MALRD1: variants seen among roughly 807,000 people sequenced by gnomAD.
MALRD1 encodes the protein MAM and LDL receptor class A domain containing 1.
MALRD1 carries 247 observed loss-of-function variants against 242.1 expected under a neutral mutation model. The observed-to-expected ratio is 1.02, with a 90% CI of 0.92 to 1.13. MALRD1 has a LOEUF of 1.13. Ranked by LOEUF, MALRD1 falls within the 50% of genes most tolerant of loss-of-function variation. The probability of loss-of-function intolerance (pLI) is 0.00; values close to 1 mark genes in which losing one functional copy is unlikely to be tolerated. For synonymous variants in MALRD1, 995 were observed against 866.6 expected (o/e 1.15, Z -2.60); for missense variants, 2,989 against 2,533.1 (o/e 1.18, Z -3.86).
At chr10:19,556,621 T>C (rs1004518357) in intron 32 of MALRD1, among the ~76,000 whole-genome samples, 2 of 152,166 alleles carry the variant, frequency 1.3e-5, no homozygotes, top group Admixed American at 1.3e-4. Context: ...CAGAATAAGA[T>C]TCCATACTAT....
intron 33 of MALRD1, among the ~76,000 whole-genome samples, chr10:19,568,443 G>A (rs1219633708): frequency 2.0e-5 from 3 of 151,866 alleles, no homozygotes; most frequent in African/African-American, 7.3e-5. Context: ...TCTTCTCATA[G>A]TTTTTCTCTG....
chr10:19,353,209 A>G (rs1844474708), intron 26 of MALRD1, among the ~76,000 whole-genome samples: 1 of 151,854 alleles, frequency 6.6e-6, no homozygotes, highest in African/African-American at 2.4e-5. Context: ...GTCTCACTGT[A>G]TTGCCTAGGT....
At chr10:19,691,798 C>G (rs1298279992) in intron 36 of MALRD1, among the ~76,000 whole-genome samples, 1 of 152,094 alleles carries the variant, frequency 6.6e-6, no homozygotes, top group Non-Finnish European at 1.5e-5. Flanking sequence ...GTTTCCAAAT[C>G]TAAACACTTG....
At chr10:19,709,568 C>T (rs1159103909) in intron 38 of MALRD1, among the ~76,000 whole-genome samples, 2 of 152,090 alleles carry the variant, frequency 1.3e-5, no homozygotes, top group African/African-American at 4.8e-5. Context: ...GATCCTTTCC[C>T]AGGTCTGAAA....
At chr10:19,633,743 C>G (rs1840008570) in intron 36 of MALRD1, 1 of 152,016 alleles carries the variant, frequency 6.6e-6, no homozygotes, top group East Asian at 1.9e-4. Flanking sequence ...AGGCCCAACC[C>G]TGGCTTAGCT....
intron 12 of MALRD1, among the ~76,000 whole-genome samples, chr10:19,162,044 GCAACAA>G (rs34483130): frequency 1.7e-5 from 2 of 119,610 alleles, no homozygotes; most frequent in African/African-American, 6.8e-5. Flanking sequence ...AACAACAACA[GCAACAA>G]CAACAACAAC....
intron 26 of MALRD1, among the ~76,000 whole-genome samples, chr10:19,386,830 G>A (rs906507903): frequency 3.3e-5 from 5 of 151,806 alleles, no homozygotes; most frequent in East Asian, 3.9e-4. Context: ...TCAAATGTTG[G>A]TATGATCCAA....
chr10:19,458,044 A>G (rs1055183286), intron 29 of MALRD1, among the ~76,000 whole-genome samples: 1 of 152,040 alleles, frequency 6.6e-6, no homozygotes, highest in African/African-American at 2.4e-5. Context: ...ATATATGACT[A>G]TTTTTATACT....
intron 31 of MALRD1, among the ~76,000 whole-genome samples, chr10:19,524,175 C>T (rs1317103427): frequency 6.6e-6 from 1 of 152,076 alleles, no homozygotes; most frequent in African/African-American, 2.4e-5. Context: ...ATTTCACAGC[C>T]TTTAAAAATT....
intron 32 of MALRD1, among the ~76,000 whole-genome samples, chr10:19,543,346 C>A (rs1835063172): frequency 6.6e-6 from 1 of 151,160 alleles, no homozygotes. Flanking sequence ...TCACTGCAGC[C>A]TTGGCTTCCC....
At chr10:19,263,490 T>G (rs996876398) in intron 19 of MALRD1, among the ~76,000 whole-genome samples, 8 of 151,474 alleles carry the variant, frequency 5.3e-5, no homozygotes, top group Admixed American at 2.0e-4. Flanking sequence ...GGATTATTTG[T>G]TGTTTTTTTT....
chr10:19,304,337 A>ATC lies in MALRD1; in HGVS notation c.3420-19596_3420-19595dup, dbSNP rs1158520774. Reference sequence around the variant, plus strand: ...CACAATGTCTGTCTGTCTATCCCTCATCTCTCTCTCTCTCTCTGCCTCTCT... The same window carrying ATC: ...CACAATGTCTGTCTGTCTATCCCTCATCTCTCTCTCTCTCTCTCTGCCTCTCT... On this transcript the variant is annotated intron_variant, in intron 21 of 39. Transcript: ENST00000454679. 1.0e-3 allele frequency among the ~76,000 whole-genome samples: 154 copies of ATC among 149,534 alleles called. 2 individuals are homozygous for ATC. Among genetic ancestry groups the ATC allele is most frequent in the African/African-American group, 2.6e-3 (106 of 40,946 alleles).
At chr10:19,446,138 G>A (rs1208367027) in intron 28 of MALRD1, among the ~76,000 whole-genome samples, 1 of 152,128 alleles carries the variant, frequency 6.6e-6, no homozygotes, top group Non-Finnish European at 1.5e-5. Flanking sequence ...CATTGGAAAA[G>A]TGCAGTATTA....
chr10:19,595,232 C>T lies in MALRD1; in HGVS notation c.5719C>T (p.Gln1907Ter). ...GCAGCCATCACCCTGTGAAGCTGAT[C>T]AGTTTTCTTGTATCTACACACTCCA... ...PVQPSPCEAD[Q>*]FSCIYTLQCV... The change falls in exon 34 of 40, where the codon CAG becomes TAG. Residue 1907 changes from glutamine to a stop codon, truncating the protein, a stop_gained. Transcript: ENST00000454679. LOFTEE classifies it high-confidence loss of function. The T allele has an allele frequency of 6.5e-7, 1 of 1,550,270 alleles. No homozygotes were observed. The highest frequency in any genetic ancestry group is 8.7e-7 in the Non-Finnish European group (1 of 1,146,830).
At position 19,174,262 on chromosome 10, in the gene MALRD1, C is replaced by T. The variant is rs538194093; in HGVS notation, c.1831-946C>T. Among the ~76,000 whole-genome samples, 90 of 152,044 alleles carry T rather than the reference C, an allele frequency of 5.9e-4. 2 individuals carry two copies. Among genetic ancestry groups the T allele is most frequent in the African/African-American group, 2.0e-3 (81 of 41,480 alleles). ...TGACCTATTTTGAGGAGAAGTAAGC[C>T]GGATAATTCCTTTATGGCTGGCTCT... On this transcript the variant is annotated intron_variant, in intron 13 of 39. Transcript: ENST00000454679.
intron 36 of MALRD1, among the ~76,000 whole-genome samples, chr10:19,672,715 G>A (rs1841980404): frequency 6.6e-6 from 1 of 151,776 alleles, no homozygotes; most frequent in Non-Finnish European, 1.5e-5. Context: ...TGAGCCACTG[G>A]AGCCGACCAA....
At chr10:19,214,582 A>G (rs1837221961) in intron 18 of MALRD1, among the ~76,000 whole-genome samples, 1 of 152,102 alleles carries the variant, frequency 6.6e-6, no homozygotes. Context: ...ATTTGTATGG[A>G]GAAACTTCAG....
chr10:19,413,071 G>T (rs1263108210), intron 28 of MALRD1, among the ~76,000 whole-genome samples: 1 of 151,942 alleles, frequency 6.6e-6, no homozygotes, highest in African/African-American at 2.4e-5. Flanking sequence ...ATCAATTGTG[G>T]AATACCTCCT....
At position 19,504,640 on chromosome 10, in the gene MALRD1, C is replaced by CATATA. The variant is rs146853899; in HGVS notation, c.5320+5997_5320+6001dup. On this transcript the variant is annotated intron_variant, in intron 31 of 39. Transcript: ENST00000454679. Reference sequence around the variant, plus strand: ...AGACACACACACACATATACAAAAACATATAATGACTATATTGTAACACAT... The same window carrying CATATA: ...AGACACACACACACATATACAAAAACATATAATATAATGACTATATTGTAACACAT... Among the ~76,000 whole-genome samples, 335 of 147,034 alleles carry CATATA rather than the reference C, an allele frequency of 2.3e-3. 6 individuals are homozygous for CATATA. The East Asian group carries it at 0.048, about 21-fold the overall frequency.
Sources: allele counts gnomAD v4.1 joint callset (sites outside exome capture counted in the v4.1 genomes callset), GRCh38; gene constraint gnomAD v4.1.1; transcripts MANE v1.5; gene names NCBI Gene and HGNC (gene_info 2026-07-23, HGNC 2026-07-21).